Variants in OMG observed in about 807,000 individuals in gnomAD.
The protein encoded by OMG is oligodendrocyte myelin glycoprotein.
Under a neutral mutation model 26.2 loss-of-function variants are expected in OMG, and 9 were observed. The ratio of observed to expected loss-of-function variants is 0.34; its 90% confidence interval spans 0.21 to 0.60. The LOEUF (loss-of-function observed/expected upper bound fraction) is 0.60, where lower values mean the gene tolerates loss of function less well. Ranked by LOEUF, OMG falls within the 20% of genes least tolerant of loss-of-function variation. The probability of loss-of-function intolerance (pLI) is 0.80; values close to 1 mark genes in which losing one functional copy is unlikely to be tolerated. For missense variants in OMG, 402 were observed against 513.6 expected, an observed-to-expected ratio of 0.78 and a Z score of 2.10; for synonymous variants, 179 against 190.4, an observed-to-expected ratio of 0.94 and a Z score of 0.49.
Position 31,295,504 on chromosome 17 carries a change from G to A in OMG, c.828C>T (p.Ser276=). The A allele has an allele frequency of 6.2e-7, 1 of 1,614,150 alleles. No homozygotes were observed. The change falls in exon 2 of 2, where the codon AGC becomes AGT. Residue 276 remains serine (S), a synonymous_variant. Transcript: ENST00000247271. ...TCTGCATCCCACTTACAGTGAATAAGCTTGAGGTAAATCCAGAAGGTGTGG... is the reference window on the plus strand; with the variant it reads ...TCTGCATCCCACTTACAGTGAATAAACTTGAGGTAAATCCAGAAGGTGTGG... ...MYPTPSGFTS[S]LFTVSGMQTV... is the part of the protein sequence containing the mutation.
chr17:31,296,562 C>G, intron 1 of OMG: 1 of 531,274 alleles, frequency 1.9e-6, no homozygotes, highest in Non-Finnish European at 3.4e-6. Context: ...CCTACTCTCT[C>G]CTGCATTTTC....
intron 1 of OMG, chr17:31,296,604 C>T: frequency 2.3e-6 from 1 of 443,578 alleles, no homozygotes. Context: ...CCCCCCTTTT[C>T]TAACCATATT....
Position 31,295,539 on chromosome 17 carries a change from T to C in OMG, c.793A>G (p.Asn265Asp), listed in dbSNP as rs1197753079. ...STQISSLKEH[N>D]MYPTPSGFTS... Reference sequence around the variant, plus strand: ...AATCCAGAAGGTGTGGGATACATGTTATGTTCCTTTAAAGATGATATTTGG... The same window carrying C: ...AATCCAGAAGGTGTGGGATACATGTCATGTTCCTTTAAAGATGATATTTGG... The change falls in exon 2 of 2, where the codon AAC becomes GAC. Residue 265 changes from asparagine to aspartate, a missense_variant. This residue lies in a region of OMG where 247 missense variants were observed against 274.7 expected (regional missense o/e 0.90). Coordinates refer to ENST00000247271, the MANE Select transcript of OMG (RefSeq NM_002544.5). The C allele has an allele frequency of 6.2e-7, 1 of 1,614,158 alleles. No individual in the cohort carries two copies. Among genetic ancestry groups the C allele is most frequent in the Admixed American group, 1.7e-5 (1 of 60,026 alleles).
chr17:31,294,785 C>T lies in OMG; in HGVS notation c.*224G>A. On this transcript the variant is annotated 3_prime_UTR_variant, in exon 2 of 2. Coordinates refer to ENST00000247271, the MANE Select transcript of OMG (RefSeq NM_002544.5). ...TTTCATTTTTTTTATAAAAGAAACT[C>T]ATTAGTTTACTTAATTAAGACAGTA... 1.7e-6 allele frequency: 1 copy of T among 582,184 alleles called. No individual in the cohort carries two copies. The highest frequency in any genetic ancestry group is 2.1e-5 in the South Asian group (1 of 47,580). 36.1% of individuals were successfully genotyped at this position (582,184 alleles called of 1,614,324 possible). A position where few individuals can be genotyped will look rare whatever the true frequency, so the allele number is the denominator to read the frequency against.
chr17:31,296,492 C>T (rs1172701500), intron 1 of OMG, 155 bp from the exon 2 acceptor site: 2 of 710,360 alleles, frequency 2.8e-6, no homozygotes, highest in African/African-American at 3.5e-5. Flanking sequence ...AGCTCCCCTT[C>T]ATTTATAGTC....
At position 31,296,309 on chromosome 17, in the gene OMG, AT is replaced by A. The variant is rs1195569376; in HGVS notation, c.22del (p.Met8CysfsTer53). ...CAGAAGGATGAACAGGCAGAGAGAC[AT>A]TTTCAATATCTGATATTCCATCAAA... The part of the protein sequence containing the change: MEYQILK[M>X]SLCLFILLFL... On this transcript the variant is annotated frameshift_variant, in exon 2 of 2. Transcript: ENST00000247271. LOFTEE classifies it high-confidence loss of function. 6.2e-7 allele frequency: 1 copy of A among 1,614,052 alleles called. No homozygotes were observed. The highest frequency in any genetic ancestry group is 1.7e-5 in the Admixed American group (1 of 60,032).
chr17:31,295,028 A>G lies in OMG; in HGVS notation c.1304T>C (p.Val435Ala), dbSNP rs16972169. 2,263 of 1,614,134 alleles carry G rather than the reference A, an allele frequency of 1.4e-3. 30 individuals are homozygous for G. In the African/African-American group the frequency reaches 0.027, roughly 19 times the overall value. ...NASFLLLLNV[V>A]VMLAV is the part of the protein sequence containing the mutation. The stretch of plus-strand genomic sequence containing the variant: ...AGACCCTCAGACAGCCAGCATGACC[A>G]CAACATTGAGCAATAAGAGAAATGA... The change falls in exon 2 of 2, where the codon GTG becomes GCG. Residue 435 changes from valine (V) to alanine (A), a missense_variant. Val to Ala is a moderately conservative substitution (Grantham distance 64). Transcript: ENST00000247271.
Position 31,295,608 on chromosome 17 carries a change from T to A in OMG, c.724A>T (p.Met242Leu), listed in dbSNP as rs779474018. The A allele has an allele frequency of 1.3e-5, 21 of 1,614,170 alleles. No individual in the cohort carries two copies. The highest frequency in any genetic ancestry group is 1.6e-4 in the Middle Eastern group (1 of 6,062). The change falls in exon 2 of 2, where the codon ATG (methionine) becomes TTG (leucine). Residue 242 changes from methionine to leucine, a missense_variant. By Grantham distance (15) the Met-to-Leu change is conservative. This residue lies in a region of OMG where 247 missense variants were observed against 274.7 expected (regional missense o/e 0.90). Transcript: ENST00000247271. ...ATCACATGGGCTTTTGTTTCCATCA[T>A]CCACTTCAGTAAGTAAGTAATGTTT... ...KQNITYLLKWMMETKAHVIGT... is the reference protein window; with the variant it reads ...KQNITYLLKWLMETKAHVIGT...
chr17:31,296,431 C>T (rs749807169), intron 1 of OMG, 94 bp from the exon 2 acceptor site: 58 of 1,198,634 alleles, frequency 4.8e-5, no homozygotes, highest in Non-Finnish European at 6.2e-5. Context: ...TTTCAATAAA[C>T]CTCGTTGTTG....
rs1337824038 is a variant in OMG, at chr17:31,294,865, T to C, written c.*144A>G. On this transcript the variant is annotated 3_prime_UTR_variant, in exon 2 of 2. Transcript: ENST00000247271. ...ATTTCTTTTATTTAAGACAAGTTAC[T>C]TCATTTACATCAGAGTTAGAAATGT... The C allele has an allele frequency of 1.9e-6, 2 of 1,057,630 alleles. No homozygotes were observed. The highest frequency in any genetic ancestry group is 1.4e-6 in the Non-Finnish European group (1 of 701,316). The allele number at this position is 1,057,630 out of a possible 1,614,324, so 65.5% of individuals were successfully genotyped here. A position where few individuals can be genotyped will look rare whatever the true frequency, so the allele number is the denominator to read the frequency against.
rs778173948 is a variant in OMG at position 31,295,543 on chromosome 17, T to C, written c.789A>G (p.Glu263=). ...PCSTQISSLK[E]HNMYPTPSGF... is the part of the protein sequence containing the mutation. ...CAGAAGGTGTGGGATACATGTTATGTTCCTTTAAAGATGATATTTGGGTAG... is the reference window on the plus strand; with the variant it reads ...CAGAAGGTGTGGGATACATGTTATGCTCCTTTAAAGATGATATTTGGGTAG... Residue 263 remains glutamate, a synonymous_variant, in exon 2 of 2, where the codon GAA becomes GAG. Coordinates refer to ENST00000247271, the MANE Select transcript of OMG (RefSeq NM_002544.5). 17 of 1,614,136 alleles carry C rather than the reference T, an allele frequency of 1.1e-5. No homozygotes were observed. Among genetic ancestry groups the C allele is most frequent in the Non-Finnish European group, 8.5e-7 (1 of 1,179,980 alleles).
Position 31,295,885 on chromosome 17 carries a change from C to T in OMG, c.447G>A (p.Glu149=). 6.2e-7 allele frequency: 1 copy of T among 1,614,130 alleles called. No homozygotes were observed. Among genetic ancestry groups the T allele is most frequent in the Admixed American group, 1.7e-5 (1 of 60,018 alleles). Reference sequence around the variant, plus strand: ...GTTTGTTACTACTGAGGTTGAGAACCTCGAGACTTCTTAGTGTATTTTTAA... The same window carrying T: ...GTTTGTTACTACTGAGGTTGAGAACTTCGAGACTTCTTAGTGTATTTTTAA... ...VLIKNTLRSL[E]VLNLSSNKLW... The change falls in exon 2 of 2, where the codon GAG becomes GAA. Residue 149 remains glutamate (E), a synonymous_variant. Coordinates refer to ENST00000247271, the MANE Select transcript of OMG (RefSeq NM_002544.5).
Position 31,295,648 on chromosome 17 carries a change from T to G in OMG, c.684A>C (p.Ser228=), listed in dbSNP as rs1319754507. The part of the protein sequence containing the change: ...QEITLYNNRW[S]CDHKQNITYL... ...AAGTAATGTTTTGTTTGTGGTCACATGACCACCTGTTATTGTAAAGGGTTA... is the reference window on the plus strand; with the variant it reads ...AAGTAATGTTTTGTTTGTGGTCACAGGACCACCTGTTATTGTAAAGGGTTA... The change falls in exon 2 of 2, where the codon TCA becomes TCC. Residue 228 remains serine, a synonymous_variant. Coordinates refer to ENST00000247271, the MANE Select transcript of OMG (RefSeq NM_002544.5). 1.2e-6 allele frequency: 2 copies of G among 1,614,204 alleles called. No individual in the cohort carries two copies.
In OMG at chr17:31,296,222, C is replaced by A; in HGVS notation, c.110G>T (p.Arg37Met). The A allele has an allele frequency of 6.2e-7, 1 of 1,614,138 alleles. No individual in the cohort carries two copies. Reference protein sequence around the residue: ...PLQCICTERHRHVDCSGRNLS... With the variant: ...PLQCICTERHMHVDCSGRNLS... ...GTTTCTGCCTGAACAGTCCACATGC[C>A]TGTGCCTCTCTGTGCATATACATTG... Residue 37 changes from arginine (R) to methionine (M), a missense_variant, in exon 2 of 2, where the codon AGG becomes ATG. Physicochemically the swap from Arg to Met is moderately conservative, Grantham distance 91 (BLOSUM62 -1). This residue lies in a region of OMG where 65 missense variants were observed against 80.0 expected (regional missense o/e 0.81). Coordinates refer to ENST00000247271, the MANE Select transcript of OMG (RefSeq NM_002544.5).
intron 1 of OMG, 131 bp from the exon 2 acceptor site, chr17:31,296,468 G>T: frequency 1.2e-6 from 1 of 834,546 alleles, no homozygotes; most frequent in Non-Finnish European, 2.0e-6. Context: ...TTGTTCCAGT[G>T]ATTAAACTAA....
At chr17:31,296,744 C>T (rs889766869) in intron 1 of OMG, 8 of 210,970 alleles carry the variant, frequency 3.8e-5, no homozygotes, top group African/African-American at 1.2e-4. Flanking sequence ...AAATGGCTGT[C>T]GTGTCTTTTT....
chr17:31,296,041 T>C lies in OMG; in HGVS notation c.291A>G (p.Leu97=). Residue 97 remains leucine (L), a synonymous_variant, in exon 2 of 2, where the codon TTA becomes TTG. Coordinates refer to ENST00000247271, the MANE Select transcript of OMG (RefSeq NM_002544.5). ...CAGACATGTTCCACAGAGACCGAGG[T>C]AAGTGAGCAGGCAGGCTTTCAAGCC... The part of the protein sequence containing the change: ...NNRLESLPAH[L]PRSLWNMSAA... 6.2e-7 allele frequency: 1 copy of C among 1,613,970 alleles called. No individual in the cohort carries two copies. The highest frequency in any genetic ancestry group is 8.5e-7 in the Non-Finnish European group (1 of 1,179,958).
intron 1 of OMG, 64 bp from the exon 2 acceptor site, chr17:31,296,401 C>A: frequency 6.4e-7 from 1 of 1,574,410 alleles, no homozygotes; most frequent in South Asian, 1.1e-5. Context: ...CTGCATGGGT[C>A]AGTTAGCATT....
At position 31,295,661 on chromosome 17, in the gene OMG, T is replaced by G; in HGVS notation, c.671A>C (p.Asn224Thr). 6.2e-7 allele frequency: 1 copy of G among 1,614,144 alleles called. No homozygotes were observed. The highest frequency in any genetic ancestry group is 8.5e-7 in the Non-Finnish European group (1 of 1,180,008). Residue 224 changes from asparagine (N) to threonine (T), a missense_variant, in exon 2 of 2, where the codon AAT becomes ACT. Transcript: ENST00000247271. ...LFQLQEITLY[N>T]NRWSCDHKQN... ...TTTGTGGTCACATGACCACCTGTTA[T>G]TGTAAAGGGTTATCTCTTGCAACTG...
Sources: gnomAD v4.1 joint callset for allele counts on GRCh38, gnomAD v4.1.1 for gene constraint, gnomAD v4.1.1 regional missense constraint, MANE v1.5 for transcripts, NCBI Gene and HGNC (gene_info 2026-07-23, HGNC 2026-07-21) for gene names.